Variants in LRRN2 observed in about 807,000 individuals in gnomAD.
LRRN2 encodes leucine-rich repeat neuronal protein 2.
LRRN2 carries 10 observed loss-of-function variants against 35.7 expected under a neutral mutation model. That is an observed-to-expected ratio of 0.28 (90% CI 0.17 to 0.47). The LOEUF (loss-of-function observed/expected upper bound fraction) is 0.47, where lower values mean the gene tolerates loss of function less well. Among genes scored for constraint, LRRN2 ranks in the 20% least tolerant of loss-of-function variants. The pLI is 0.99. For synonymous variants in LRRN2, 391 were observed against 409.6 expected (o/e 0.95, Z 0.55); for missense variants, 731 against 940.3 (o/e 0.78, Z 2.91).
At chr1:204,670,342 A>G (rs1358366865) in intron 1 of LRRN2, among the ~76,000 whole-genome samples, 1 of 152,132 alleles carries the variant, frequency 6.6e-6, no homozygotes, top group Non-Finnish European at 1.5e-5. Flanking sequence ...GCAGCACTGG[A>G]GGAGGATCAG....
intron 1 of LRRN2, among the ~76,000 whole-genome samples, chr1:204,630,642 G>A (rs540675671): frequency 1.1e-4 from 16 of 151,866 alleles, no homozygotes; most frequent in Admixed American, 4.6e-4. Context: ...CCCACTAACC[G>A]CAAGACAATG....
chr1:204,652,210 C>T (rs1174416016), intron 1 of LRRN2, among the ~76,000 whole-genome samples: 1 of 151,838 alleles, frequency 6.6e-6, no homozygotes, highest in Non-Finnish European at 1.5e-5. Context: ...CGGAGATGGG[C>T]CATGGGACCC....
intron 1 of LRRN2, among the ~76,000 whole-genome samples, chr1:204,633,434 G>A (rs1571645747): frequency 6.6e-6 from 1 of 152,180 alleles, no homozygotes; most frequent in Non-Finnish European, 1.5e-5. Flanking sequence ...AAGTAATGAG[G>A]CTGAGGCCAG....
intron 1 of LRRN2, among the ~76,000 whole-genome samples, chr1:204,640,891 G>A (rs945037178): frequency 1.3e-5 from 2 of 151,812 alleles, no homozygotes; most frequent in African/African-American, 4.8e-5. Flanking sequence ...CATCATTACC[G>A]CCCAAGTCTC....
intron 1 of LRRN2, among the ~76,000 whole-genome samples, chr1:204,680,676 T>C (rs1668928178): frequency 6.6e-6 from 1 of 152,298 alleles, no homozygotes; most frequent in Admixed American, 6.5e-5. Context: ...TGTGGGAATG[T>C]TCTGGGCGAC....
chr1:204,634,959 T>C (rs1296127691), intron 1 of LRRN2, among the ~76,000 whole-genome samples: 2 of 152,116 alleles, frequency 1.3e-5, no homozygotes, highest in Non-Finnish European at 2.9e-5. Context: ...AATGAAAATA[T>C]GAGTGTGAAA....
chr1:204,673,343 A>C (rs1553350737), intron 1 of LRRN2, among the ~76,000 whole-genome samples: 1 of 152,182 alleles, frequency 6.6e-6, no homozygotes, highest in Non-Finnish European at 1.5e-5. Context: ...TTTAATATTT[A>C]TTGGTACCTA....
intron 1 of LRRN2, among the ~76,000 whole-genome samples, chr1:204,624,760 C>T (rs774123093): frequency 5.0e-5 from 7 of 140,058 alleles, no homozygotes; most frequent in Non-Finnish European, 1.1e-4. Flanking sequence ...CCCCCACCCC[C>T]CCCCCCGGGA....
chr1:204,673,152 C>A (rs543021234), intron 1 of LRRN2, among the ~76,000 whole-genome samples: 1 of 152,246 alleles, frequency 6.6e-6, no homozygotes, highest in African/African-American at 2.4e-5. Context: ...CAGGAAAGAC[C>A]CACTTGGCCC....
At chr1:204,663,867 AG>A (rs1668519200) in intron 1 of LRRN2, 1 of 152,200 alleles carries the variant, frequency 6.6e-6, no homozygotes, top group Non-Finnish European at 1.5e-5. Flanking sequence ...AAGATCGACG[AG>A]GGGAGAAAAA....
rs532691939 is a variant in LRRN2, at chr1:204,620,256, G to A, written c.-226-38C>T. The A allele has an allele frequency of 6.8e-4, 933 of 1,368,768 alleles. 12 individuals carry two copies. In the East Asian group the frequency reaches 0.016, roughly 24 times the overall value. 84.8% of individuals were successfully genotyped at this position (1,368,768 alleles called of 1,614,324 possible). On this transcript the variant is annotated intron_variant, in intron 1 of 1. Coordinates refer to ENST00000367177, the MANE Select transcript of LRRN2 (RefSeq NM_201630.2). ...GATGCAGAGTTAAGGAGGTTGCAGA[G>A]AAGCAGTATCTACCCCTCCTCCCGT... is the stretch of plus-strand genomic sequence containing the variant.
chr1:204,660,784 C>A (rs1450980220), intron 1 of LRRN2, among the ~76,000 whole-genome samples: 1 of 152,192 alleles, frequency 6.6e-6, no homozygotes, highest in Admixed American at 6.5e-5. Context: ...TTGTTCTGTG[C>A]AATTTCCATC....
chr1:204,620,203 C>T lies in LRRN2; in HGVS notation c.-211G>A, dbSNP rs1558395630. 1 of 1,440,736 alleles carries T rather than the reference C, an allele frequency of 6.9e-7. No homozygotes were observed. The highest frequency in any genetic ancestry group is 9.1e-7 in the Non-Finnish European group (1 of 1,095,628). 89.2% of individuals were successfully genotyped at this position (1,440,736 alleles called of 1,614,324 possible). On this transcript the variant is annotated 5_prime_UTR_variant, in exon 2 of 2. Coordinates refer to ENST00000367177, the MANE Select transcript of LRRN2 (RefSeq NM_201630.2). ...TGGGCCTGCTCAGTCATTGCCAGGC[C>T]CCATCAGGGGCAGCCCTGGAAGAAG...
At chr1:204,656,424 G>T (rs187098426) in intron 1 of LRRN2, among the ~76,000 whole-genome samples, 14 of 152,216 alleles carry the variant, frequency 9.2e-5, no homozygotes, top group Non-Finnish European at 1.6e-4. Context: ...ATCTTTTCAG[G>T]CTTTTTCTTA....
intron 1 of LRRN2, among the ~76,000 whole-genome samples, chr1:204,670,813 T>G (rs1668693579): frequency 6.7e-6 from 1 of 150,058 alleles, no homozygotes; most frequent in African/African-American, 2.5e-5. Flanking sequence ...TTCAGCAGAG[T>G]GATGGGGGAG....
chr1:204,632,895 C>T (rs1667744576), intron 1 of LRRN2, among the ~76,000 whole-genome samples: 1 of 151,118 alleles, frequency 6.6e-6, no homozygotes, highest in Non-Finnish European at 1.5e-5. Flanking sequence ...GACCACATCA[C>T]TGCACTCCAG....
At chr1:204,638,208 C>T (rs888663571) in intron 1 of LRRN2, among the ~76,000 whole-genome samples, 3 of 151,520 alleles carry the variant, frequency 2.0e-5, no homozygotes, top group Admixed American at 6.6e-5. Context: ...TTCGCAGAGC[C>T]AGAGCGCTGT....
chr1:204,668,970 C>G (rs1668648180), intron 1 of LRRN2, among the ~76,000 whole-genome samples: 1 of 152,124 alleles, frequency 6.6e-6, no homozygotes, highest in Admixed American at 6.5e-5. Flanking sequence ...ACTACAGGCT[C>G]TGGCCACTAC....
Position 204,619,392 on chromosome 1 carries a change from C to A in LRRN2, c.601G>T (p.Val201Leu). ...AAGTTCATGTCCAGGATGGCATCTA[C>A]CTTGTTGCCGCCAATCATGAGTATC... ...LEILMIGGNK[V>L]DAILDMNFRP... Residue 201 changes from valine (V) to leucine (L), a missense_variant, in exon 2 of 2, where the codon GTA (valine) becomes TTA (leucine). By Grantham distance (32) the Val-to-Leu change is conservative. Around this residue, in one of 3 missense-constraint regions of LRRN2, gnomAD observed 246 missense variants for 289.5 expected, o/e 0.85. Coordinates refer to ENST00000367177, the MANE Select transcript of LRRN2 (RefSeq NM_201630.2). 3 of 1,614,192 alleles carry A rather than the reference C, an allele frequency of 1.9e-6. No homozygotes were observed. Among genetic ancestry groups the A allele is most frequent in the Non-Finnish European group, 2.5e-6 (3 of 1,180,010 alleles).
Sources: allele counts gnomAD v4.1 joint callset (sites outside exome capture counted in the v4.1 genomes callset), GRCh38; gene constraint gnomAD v4.1.1; regional missense constraint gnomAD v4.1.1; transcripts MANE v1.5; gene names NCBI Gene and HGNC (gene_info 2026-07-23, HGNC 2026-07-21).